The following DNAJC6 variants were observed in gnomAD, a reference collection of about 807,000 sequenced individuals.
DNAJC6 encodes the protein auxilin.
Under a neutral mutation model 110.0 loss-of-function variants are expected in DNAJC6, and 34 were observed. The ratio of observed to expected loss-of-function variants is 0.31; its 90% CI spans 0.24 to 0.41. The LOEUF (loss-of-function observed/expected upper bound fraction) is 0.41, where lower values mean the gene tolerates loss of function less well. Among genes scored for constraint, DNAJC6 ranks in the 10% least tolerant of loss-of-function variants. The pLI is 1.00. For missense variants in DNAJC6, 1,031 were observed against 1,207.8 expected (o/e 0.85, Z 2.17); for synonymous variants, 406 against 437.2 (o/e 0.93, Z 0.89).
intron 4 of DNAJC6, among the ~76,000 whole-genome samples, chr1:65,373,198 A>C (rs6660140): frequency 0.25 from 38,058 of 152,134 alleles, 8,267 homozygotes; most frequent in East Asian, 0.59. Context: ...TTATTTATTC[A>C]TTCATCCATT....
At chr1:65,265,500 C>T (rs1653283840) in intron 1 of DNAJC6, among the ~76,000 whole-genome samples, 1 of 152,208 alleles carries the variant, frequency 6.6e-6, no homozygotes, top group South Asian at 2.1e-4. Flanking sequence ...TCAGCCTCCA[C>T]ACCTTACCTC....
At chr1:65,314,004 G>A (rs1479800920) in intron 1 of DNAJC6, among the ~76,000 whole-genome samples, 4 of 152,002 alleles carry the variant, frequency 2.6e-5, no homozygotes, top group Admixed American at 2.6e-4. Context: ...TTCCAATATT[G>A]GGCTTAATTT....
At chr1:65,317,391 A>G (rs1645157990) in intron 1 of DNAJC6, among the ~76,000 whole-genome samples, 2 of 152,280 alleles carry the variant, frequency 1.3e-5, no homozygotes, top group African/African-American at 4.8e-5. Context: ...AACATGTGCC[A>G]AGGGATCTGG....
chr1:65,324,446 A>G (rs1366515896), intron 1 of DNAJC6, among the ~76,000 whole-genome samples: 1 of 150,734 alleles, frequency 6.6e-6, no homozygotes, highest in African/African-American at 2.4e-5. Context: ...TGCAACCTCC[A>G]CCTCCCGGGT....
chr1:65,398,048 C>T (rs1005136365), intron 13 of DNAJC6, among the ~76,000 whole-genome samples: 1 of 152,112 alleles, frequency 6.6e-6, no homozygotes, highest in Non-Finnish European at 1.5e-5. Context: ...ATCATGGCAT[C>T]CTGTTTCCTA....
chr1:65,392,332 A>G, intron 11 of DNAJC6, 99 bp from the exon 12 acceptor site: 1 of 1,186,962 alleles, frequency 8.4e-7, no homozygotes, highest in Non-Finnish European at 1.2e-6. Context: ...TCAGGGCTGA[A>G]TCCTTCTGTC....
At chr1:65,352,773 G>A (rs1281671792) in intron 1 of DNAJC6, among the ~76,000 whole-genome samples, 1 of 152,126 alleles carries the variant, frequency 6.6e-6, no homozygotes, top group Non-Finnish European at 1.5e-5. Context: ...TTTCTGCCTT[G>A]GAGCTAAGAG....
At chr1:65,300,690 G>A (rs549196343) in intron 1 of DNAJC6, among the ~76,000 whole-genome samples, 16 of 152,224 alleles carry the variant, frequency 1.1e-4, no homozygotes, top group Middle Eastern at 6.8e-3. Flanking sequence ...TTTCACATTC[G>A]AATGGATAAA....
chr1:65,411,054 G>A (rs1282799558), intron 17 of DNAJC6, among the ~76,000 whole-genome samples, 196 bp from the exon 18 acceptor site: 9 of 152,184 alleles, frequency 5.9e-5, no homozygotes, highest in Non-Finnish European at 1.3e-4. Flanking sequence ...TTTGAAAGAT[G>A]ATAGAGTTAA....
intron 1 of DNAJC6, among the ~76,000 whole-genome samples, chr1:65,333,974 T>C (rs898464108): frequency 9.9e-5 from 15 of 152,264 alleles, no homozygotes; most frequent in African/African-American, 3.6e-4. Flanking sequence ...GCCATGTCTG[T>C]ATCTAATTTA....
chr1:65,389,177 C>A, intron 9 of DNAJC6, 79 bp from the exon 10 acceptor site: 1 of 1,324,308 alleles, frequency 7.6e-7, no homozygotes, highest in Non-Finnish European at 1.1e-6. Flanking sequence ...AAGAGTCAAC[C>A]TAAGATGACT....
intron 1 of DNAJC6, among the ~76,000 whole-genome samples, chr1:65,330,707 TCCG>T (rs1645280900): frequency 6.6e-6 from 1 of 152,160 alleles, no homozygotes; most frequent in African/African-American, 2.4e-5. Context: ...GACCTCGTGA[TCCG>T]CCAGTCTCGG....
intron 5 of DNAJC6, among the ~76,000 whole-genome samples, chr1:65,382,539 T>C (rs1645831559): frequency 6.6e-6 from 1 of 152,210 alleles, no homozygotes. Flanking sequence ...ATTAATAATA[T>C]GAAATTAAAT....
chr1:65,305,392 C>T (rs766531991), upstream of DNAJC6, among the ~76,000 whole-genome samples: 13 of 152,204 alleles, frequency 8.5e-5, no homozygotes, highest in Non-Finnish European at 1.3e-4. Context: ...CACACTCATA[C>T]ATATCACACA....
intron 1 of DNAJC6, among the ~76,000 whole-genome samples, chr1:65,341,625 C>A (rs1645390100): frequency 6.6e-6 from 1 of 152,148 alleles, no homozygotes; most frequent in African/African-American, 2.4e-5. Flanking sequence ...TAGAGTGGTT[C>A]TTTGGGGGAA....
At chr1:65,349,101 T>TAA (rs58770009) in intron 1 of DNAJC6, among the ~76,000 whole-genome samples, 348 of 128,786 alleles carry the variant, frequency 2.7e-3, no homozygotes, top group Middle Eastern at 8.8e-3. Flanking sequence ...AATATATATA[T>TAA]AAATAAATAT....
chr1:65,392,662 G>A lies in DNAJC6; in HGVS notation c.1700G>A (p.Ser567Asn). 9 of 1,613,070 alleles carry A rather than the reference G, an allele frequency of 5.6e-6. No homozygotes were observed. The highest frequency in any genetic ancestry group is 2.2e-5 in the East Asian group (1 of 44,852). ...CTGGAAGGGTCTGCAATGAGTAACA[G>A]CTTCTCTCCGCCAGCGGCTCCTCCC... ...LGLEGSAMSNSFSPPAAPPTN... is the reference protein window; with the variant it reads ...LGLEGSAMSNNFSPPAAPPTN... Residue 567 changes from serine (S) to asparagine (N), a missense_variant, in exon 12 of 19, where the codon AGC (serine) becomes AAC (asparagine). By Grantham distance (46) the Ser-to-Asn change is conservative. Transcript: ENST00000371069.
At chr1:65,303,728 TTTTGTTTG>T (rs888838922) in intron 1 of DNAJC6, among the ~76,000 whole-genome samples, 2 of 152,036 alleles carry the variant, frequency 1.3e-5, no homozygotes, top group Non-Finnish European at 2.9e-5. Flanking sequence ...CCAGCTAATT[TTTTGTTTG>T]TTTGTTTGTT....
chr1:65,406,663 A>T (rs540175549), intron 16 of DNAJC6, among the ~76,000 whole-genome samples: 1 of 152,232 alleles, frequency 6.6e-6, no homozygotes, highest in East Asian at 1.9e-4. Context: ...TGCTTGGTGG[A>T]TTCCTGAGAT....
Sources: gnomAD v4.1 joint callset for allele counts (sites outside exome capture counted in the v4.1 genomes callset) on GRCh38, gnomAD v4.1.1 for gene constraint, MANE v1.5 for transcripts, NCBI Gene and HGNC (gene_info 2026-07-23, HGNC 2026-07-21) for gene names.